Variants in DNAH1 observed in about 807,000 individuals in gnomAD.
DNAH1 encodes dynein axonemal heavy chain 1.
Under a neutral mutation model 484.3 loss-of-function variants are expected in DNAH1, and 327 were observed. The observed-to-expected ratio is 0.68, with a 90% CI of 0.62 to 0.74. The LOEUF is 0.74. DNAH1 is among the 30% of genes least tolerant of loss of function. The pLI is 0.00. For missense variants in DNAH1, 5,052 were observed against 5,546.8 expected (o/e 0.91, Z 2.83); for synonymous variants, 2,192 against 2,191.9 (o/e 1.00, Z 0.00).
intron 58 of DNAH1, 44 bp from the exon 59 acceptor site, chr3:52,388,761 CT>C: frequency 6.2e-7 from 1 of 1,609,756 alleles, no homozygotes; most frequent in African/African-American, 1.3e-5. Flanking sequence ...CCCCAGGCCC[CT>C]AGCCCAGCCT....
At chr3:52,320,904 G>A (rs375279769) in intron 1 of DNAH1, among the ~76,000 whole-genome samples, 40 of 148,698 alleles carry the variant, frequency 2.7e-4, no homozygotes, top group African/African-American at 1.0e-3. Flanking sequence ...GGGTTCAAGC[G>A]ATTCTCCTGC....
chr3:52,324,278 A>G (rs1259154397), intron 3 of DNAH1, among the ~76,000 whole-genome samples: 5 of 152,276 alleles, frequency 3.3e-5, no homozygotes, highest in Non-Finnish European at 7.4e-5. Flanking sequence ...CCTGGCTCAG[A>G]TAGATGCCTG....
At chr3:52,327,158 A>G (rs1701376954) in intron 5 of DNAH1, among the ~76,000 whole-genome samples, 2 of 151,568 alleles carry the variant, frequency 1.3e-5, no homozygotes, top group East Asian at 3.9e-4. Flanking sequence ...CGTGCCACCC[A>G]TGGGCAACCT....
Position 52,375,405 on chromosome 3 carries a change from A to G in DNAH1, c.7151A>G (p.Asn2384Ser), listed in dbSNP as rs56002041. ...KKRIFSTILG[N>S]WLDGLLGEKS... ...CGCATCTTCTCCACCATCCTGGGCA[A>G]CTGGTTGGGTGAGTATTGGTGGGGG... The change falls in exon 45 of 78, where the codon AAC becomes AGC. Residue 2384 changes from asparagine to serine, a missense_variant. Physicochemically the swap from Asn to Ser is conservative, Grantham distance 46 (BLOSUM62 1). Transcript: ENST00000420323. The G allele has an allele frequency of 0.11, 175,745 of 1,612,530 alleles. 10,807 individuals are homozygous for G. Among genetic ancestry groups the G allele is most frequent in the Non-Finnish European group, 0.13 (148,893 of 1,179,350 alleles).
chr3:52,332,046 G>A (rs1701573228), intron 7 of DNAH1, 96 bp from the exon 8 acceptor site: 2 of 1,446,280 alleles, frequency 1.4e-6, no homozygotes, highest in South Asian at 2.7e-5. Flanking sequence ...TTTGTTCAGG[G>A]CCACTGGGCA....
chr3:52,347,737 C>T (rs1410429802), intron 11 of DNAH1, 87 bp from the exon 12 acceptor site: 43 of 1,415,442 alleles, frequency 3.0e-5, no homozygotes, highest in Non-Finnish European at 3.8e-5. Context: ...GCTCAAGAGT[C>T]ATAGCGCTGG....
Position 52,361,828 on chromosome 3 carries a change from C to A in DNAH1, c.4980+62C>A, listed in dbSNP as rs1303999606. ...GCCATACTCACGCCGCCATACTGCT[C>A]CCCATTGCAGGCTGAGAAGCCAGGC... On this transcript the variant is annotated intron_variant, in intron 30 of 77. Transcript: ENST00000420323. This position sits in a 1 kb window ranked among gnomAD's most constrained non-coding sequence, Gnocchi z 5.6. The A allele has an allele frequency of 1.3e-6, 2 of 1,507,448 alleles. No individual in the cohort carries two copies. The highest frequency in any genetic ancestry group is 9.0e-7 in the Non-Finnish European group (1 of 1,110,778). 93.4% of individuals were successfully genotyped at this position (1,507,448 alleles called of 1,614,324 possible).
In DNAH1 at chr3:52,358,141, C is replaced by A. The variant is rs1211384086; in HGVS notation, c.4086+138C>A. The A allele has an allele frequency of 1.4e-6, 1 of 727,488 alleles. No individual in the cohort carries two copies. The highest frequency in any genetic ancestry group is 2.2e-6 in the Non-Finnish European group (1 of 458,464). 45.1% of individuals were successfully genotyped at this position (727,488 alleles called of 1,614,324 possible). A position where few individuals can be genotyped will look rare whatever the true frequency, so the allele number is the denominator to read the frequency against. On this transcript the variant is annotated intron_variant, in intron 24 of 77. Transcript: ENST00000420323. This position sits in a 1 kb window ranked among gnomAD's most constrained non-coding sequence, Gnocchi z 4.2. ...CTGGTCTTTGGAGACACACCTGGGG[C>A]CTGTGGGAGGAAGGTCAACTGCAGA...
At chr3:52,323,070 C>T (rs13064343) in intron 2 of DNAH1, among the ~76,000 whole-genome samples, 1 of 152,172 alleles carries the variant, frequency 6.6e-6, no homozygotes, top group Admixed American at 6.5e-5. Flanking sequence ...ACGCCCACGT[C>T]CCTATTGTCA....
intron 8 of DNAH1, among the ~76,000 whole-genome samples, chr3:52,341,104 T>C (rs1701922548): frequency 1.3e-5 from 2 of 152,176 alleles, no homozygotes. Context: ...TTTTTGGCTT[T>C]AAGTATCAAA....
upstream of DNAH1, among the ~76,000 whole-genome samples, chr3:52,314,148 A>G (rs936398730): frequency 6.6e-6 from 1 of 152,228 alleles, no homozygotes; most frequent in Non-Finnish European, 1.5e-5. Flanking sequence ...CCACTCTGCC[A>G]AGATATTACT....
Position 52,359,999 on chromosome 3 carries a change from C to G in DNAH1, c.4491C>G (p.Val1497=). 6.2e-7 allele frequency: 1 copy of G among 1,613,932 alleles called. No individual in the cohort carries two copies. The highest frequency in any genetic ancestry group is 8.5e-7 in the Non-Finnish European group (1 of 1,179,888). Residue 1497 remains valine, a synonymous_variant, in exon 27 of 78, where the codon GTC becomes GTG. Transcript: ENST00000420323. ...AVLSALIVIE[V]HAKDVVSKLI... is the part of the protein sequence containing the mutation. ...TGTCAGCGCTAATCGTCATTGAGGT[C>G]CATGCCAAGGACGTGGTGAGCAAGC...
chr3:52,364,694 C>T lies in DNAH1; in HGVS notation c.5301C>T (p.Asn1767=), dbSNP rs762663322. The T allele has an allele frequency of 6.2e-7, 1 of 1,613,834 alleles. No homozygotes were observed. Residue 1767 remains asparagine, a synonymous_variant, in exon 33 of 78, where the codon AAC becomes AAT. Transcript: ENST00000420323. The surrounding 1 kb of genome is among the most constrained non-coding windows in gnomAD (Gnocchi z 4.2). The part of the protein sequence containing the change: ...AVKTVISAAG[N]LKRENPSMNE... ...AAACTGTGATCTCGGCTGCTGGGAA[C>T]CTCAAGCGAGAAAACCCCAGCATGA...
Position 52,396,935 on chromosome 3 carries a change from G to GC in DNAH1, c.11679dup (p.Ile3894HisfsTer12). On this transcript the variant is annotated frameshift_variant, in exon 73 of 78. Transcript: ENST00000420323. LOFTEE classifies it high-confidence loss of function. ...GTCACTGATGACTGGGACCGGCGCT[G>GC]CATCATGAACATCTTGGAGGACTTC... 1 of 1,613,472 alleles carries GC rather than the reference G, an allele frequency of 6.2e-7. No individual in the cohort carries two copies. The highest frequency in any genetic ancestry group is 8.5e-7 in the Non-Finnish European group (1 of 1,179,846).
chr3:52,397,850 T>A lies in DNAH1; in HGVS notation c.11931T>A (p.Ser3977=), dbSNP rs1259419226. The change falls in exon 74 of 78, where the codon TCT becomes TCA. Residue 3977 remains serine (S), a synonymous_variant. Coordinates refer to ENST00000420323, the MANE Select transcript of DNAH1 (RefSeq NM_015512.5). ...GTIIQLQPKS[S]SAGSQGREEI... ...TCATCCAGCTGCAACCCAAATCATC[T>A]TCTGCAGGCAGCCAGGGCCGGGAGG... The A allele has an allele frequency of 8.7e-6, 14 of 1,609,372 alleles. No individual in the cohort carries two copies. The highest frequency in any genetic ancestry group is 6.6e-5 in the South Asian group (6 of 90,392).
chr3:52,315,173 C>A (rs561553953), upstream of DNAH1, among the ~76,000 whole-genome samples: 1 of 152,012 alleles, frequency 6.6e-6, no homozygotes, highest in South Asian at 2.1e-4. Flanking sequence ...ACACCCCCCG[C>A]CCCCGATGCC....
At chr3:52,357,807 A>T (rs1299570508) in intron 23 of DNAH1, 72 bp downstream of exon 23, 1 of 1,574,778 alleles carries the variant, frequency 6.4e-7, no homozygotes, top group African/African-American at 1.4e-5. Flanking sequence ...GGCCCTGCTC[A>T]GGCTAGGGTG....
Position 52,327,700 on chromosome 3 carries a change from C to T in DNAH1, c.739-182C>T, listed in dbSNP as rs73837049. The stretch of plus-strand genomic sequence containing the variant: ...GGGAGCAGCAGTGGAGAGGCTCAAC[C>T]CCCAGTCCTAGCAGTGGAGAGGGTC... On this transcript the variant is annotated intron_variant, in intron 5 of 77. Coordinates refer to ENST00000420323, the MANE Select transcript of DNAH1 (RefSeq NM_015512.5). Among the ~76,000 whole-genome samples, 2,327 of 152,264 alleles carry T rather than the reference C, an allele frequency of 0.015. 61 individuals are homozygous for T. The highest frequency in any genetic ancestry group is 0.053 in the African/African-American group (2,211 of 41,546).
chr3:52,349,128 G>T, intron 13 of DNAH1, 47 bp downstream of exon 13: 1 of 1,612,424 alleles, frequency 6.2e-7, no homozygotes, highest in Non-Finnish European at 8.5e-7. Context: ...GTGTGTTTGT[G>T]CATGTGTATC....
Sources: allele counts gnomAD v4.1 joint callset (sites outside exome capture counted in the v4.1 genomes callset), GRCh38; gene constraint gnomAD v4.1.1; non-coding constraint Gnocchi (gnomAD v3.1); transcripts MANE v1.5; gene names NCBI Gene and HGNC (gene_info 2026-07-23, HGNC 2026-07-21).